The following ATP13A4 variants were observed in gnomAD, a reference collection of about 807,000 sequenced individuals.
ATP13A4 encodes the protein probable cation-transporting ATPase 13A4.
Under a neutral mutation model 142.5 loss-of-function variants are expected in ATP13A4, and 114 were observed. The ratio of observed to expected loss-of-function variants is 0.80; its 90% CI spans 0.69 to 0.93. ATP13A4 has a LOEUF of 0.93. Ranked by LOEUF, ATP13A4 falls within the 40% of genes least tolerant of loss-of-function variation. The pLI, the probability that ATP13A4 is intolerant of heterozygous loss-of-function variation, is 0.00. For missense variants in ATP13A4, 1,392 were observed against 1,454.0 expected (o/e 0.96, Z 0.69); for synonymous variants, 488 against 514.8 (o/e 0.95, Z 0.70).
At chr3:193,457,846 C>A (rs1246217423) in intron 14 of ATP13A4, among the ~76,000 whole-genome samples, 2 of 152,186 alleles carry the variant, frequency 1.3e-5, no homozygotes, top group Non-Finnish European at 2.9e-5. Context: ...GCTCTTCCTG[C>A]CCTTGCATGT....
Position 193,463,867 on chromosome 3 carries a change from T to C in ATP13A4, c.1462-1044A>G, listed in dbSNP as rs139577223. On this transcript the variant is annotated intron_variant, in intron 12 of 29. Coordinates refer to ENST00000342695, the MANE Select transcript of ATP13A4 (RefSeq NM_032279.4). ...TGTTCTTGGTAGATCTTTCTGATAT[T>C]CCAATAACTATAAAATACAGCCCTG... is the stretch of plus-strand genomic sequence containing the variant. Among the ~76,000 whole-genome samples the C allele has an allele frequency of 1.8e-3, 269 of 152,262 alleles. 6 individuals are homozygous for C. The South Asian group carries it at 0.019, about 11-fold the overall frequency.
chr3:193,556,170 T>C (rs928121252), upstream of ATP13A4, among the ~76,000 whole-genome samples: 1 of 152,132 alleles, frequency 6.6e-6, no homozygotes, highest in Non-Finnish European at 1.5e-5. Flanking sequence ...ACATGTAACA[T>C]AAAGATGATG....
At position 193,470,918 on chromosome 3, in the gene ATP13A4, A is replaced by T. The variant is rs1488183441; in HGVS notation, c.884T>A (p.Met295Lys). Residue 295 changes from methionine (M) to lysine (K), a missense_variant, in exon 9 of 30, where the codon ATG becomes AAG. Met to Lys is a moderately conservative substitution (Grantham distance 95, BLOSUM62 -1). Transcript: ENST00000342695. ...LLILTGNKVL[M>K]PCDAVLIEGS... ...TTCAATCAGAACGGCATCACATGGC[A>T]TTAGCACTTTGTTCCCTGTCAAAAT... 3 of 1,614,188 alleles carry T rather than the reference A, an allele frequency of 1.9e-6. No homozygotes were observed. Among genetic ancestry groups the T allele is most frequent in the Non-Finnish European group, 2.5e-6 (3 of 1,180,040 alleles).
At chr3:193,505,211 G>C (rs1050299002) in intron 2 of ATP13A4, among the ~76,000 whole-genome samples, 3 of 152,122 alleles carry the variant, frequency 2.0e-5, no homozygotes, top group African/African-American at 7.2e-5. Context: ...CTGACAAATA[G>C]TATCCAGTTT....
At chr3:193,546,454 G>A (rs372406942) in intron 1 of ATP13A4, among the ~76,000 whole-genome samples, 1 of 152,288 alleles carries the variant, frequency 6.6e-6, no homozygotes, top group South Asian at 2.1e-4. Context: ...CATCTTCCCT[G>A]GCAATACTTG....
At chr3:193,545,458 C>T (rs1220507550) in intron 1 of ATP13A4, among the ~76,000 whole-genome samples, 1 of 152,106 alleles carries the variant, frequency 6.6e-6, no homozygotes, top group Non-Finnish European at 1.5e-5. Flanking sequence ...ACAAGAATAG[C>T]CTTAGGCTGA....
intron 8 of ATP13A4, among the ~76,000 whole-genome samples, chr3:193,483,686 G>A (rs1719435618): frequency 1.3e-5 from 2 of 152,018 alleles, no homozygotes; most frequent in South Asian, 2.1e-4. Flanking sequence ...GGATCGTCTC[G>A]ATCTCCTGAC....
chr3:193,459,594 T>C (rs1257773878), intron 13 of ATP13A4, among the ~76,000 whole-genome samples: 1 of 152,106 alleles, frequency 6.6e-6, no homozygotes, highest in African/African-American at 2.4e-5. Flanking sequence ...GCCACCACCA[T>C]GTCAGGCTAA....
chr3:193,414,148 T>A (rs1199732572), intron 26 of ATP13A4, among the ~76,000 whole-genome samples: 2 of 152,208 alleles, frequency 1.3e-5, no homozygotes, highest in Non-Finnish European at 2.9e-5. Context: ...GTTCCCCCGA[T>A]AAACAACAAC....
intron 2 of ATP13A4, among the ~76,000 whole-genome samples, chr3:193,566,967 C>T (rs77477419): frequency 0.031 from 4,708 of 152,204 alleles, 85 homozygotes; most frequent in African/African-American, 0.039. Flanking sequence ...TCTTATTTTC[C>T]TATCTTCAAC....
At chr3:193,503,175 A>T (rs983775319) in intron 2 of ATP13A4, among the ~76,000 whole-genome samples, 1 of 152,170 alleles carries the variant, frequency 6.6e-6, no homozygotes, top group Non-Finnish European at 1.5e-5. Context: ...TCTCCCATTC[A>T]TGTGGAGCAC....
At chr3:193,458,727 G>C in intron 14 of ATP13A4, 1 of 471,934 alleles carries the variant, frequency 2.1e-6, no homozygotes, top group Non-Finnish European at 3.8e-6. Flanking sequence ...CCATATTCTG[G>C]AAAATCTTCG....
chr3:193,574,709 C>T (rs559537190), intron 2 of ATP13A4, among the ~76,000 whole-genome samples: 11 of 152,136 alleles, frequency 7.2e-5, no homozygotes, highest in African/African-American at 2.7e-4. Context: ...GAGTGAGACT[C>T]CATCAAAAAA....
chr3:193,453,363 A>G (rs1007660993), intron 17 of ATP13A4, among the ~76,000 whole-genome samples: 9 of 152,226 alleles, frequency 5.9e-5, no homozygotes, highest in African/African-American at 2.2e-4. Flanking sequence ...TCCTAAATTT[A>G]AAAATGAGCC....
chr3:193,573,126 G>A (rs1187285436), intron 2 of ATP13A4, among the ~76,000 whole-genome samples: 1 of 150,474 alleles, frequency 6.6e-6, no homozygotes, highest in Non-Finnish European at 1.5e-5. Flanking sequence ...CGAGATCACC[G>A]ACATGGTTTA....
intron 3 of ATP13A4, among the ~76,000 whole-genome samples, chr3:193,498,572 G>C (rs1007134674): frequency 6.6e-6 from 1 of 152,124 alleles, no homozygotes; most frequent in Non-Finnish European, 1.5e-5. Context: ...GAATCATCTG[G>C]GGAGCTTTGA....
chr3:193,459,263 C>T, intron 13 of ATP13A4, 32 bp from the exon 14 acceptor site: 1 of 1,613,570 alleles, frequency 6.2e-7, no homozygotes, highest in Non-Finnish European at 8.5e-7. Context: ...GTTTCCATTC[C>T]ATCGCCTCAT....
chr3:193,450,113 C>CAAA (rs113643807), intron 17 of ATP13A4, among the ~76,000 whole-genome samples: 1 of 95,088 alleles, frequency 1.1e-5, no homozygotes, highest in Non-Finnish European at 2.5e-5. Context: ...ACCTGTCTCA[C>CAAA]AAAAAAAAAA....
At chr3:193,592,051 A>C (rs905260701) in intron 1 of ATP13A4, among the ~76,000 whole-genome samples, 1 of 148,340 alleles carries the variant, frequency 6.7e-6, no homozygotes, top group African/African-American at 2.5e-5. Flanking sequence ...TGGTATTGTG[A>C]GTGCATGGGT....
Sources: allele counts gnomAD v4.1 joint callset (sites outside exome capture counted in the v4.1 genomes callset), GRCh38; gene constraint gnomAD v4.1.1; transcripts MANE v1.5; gene names NCBI Gene and HGNC (gene_info 2026-07-23, HGNC 2026-07-21).